Variants in CAMKMT observed in about 807,000 individuals in gnomAD.
The protein encoded by CAMKMT is CaM KMT.
A neutral mutation model predicts 48.0 loss-of-function variants in CAMKMT; 53 were observed. That is an observed-to-expected ratio of 1.10 (90% confidence interval 0.89 to 1.39). The LOEUF is 1.39. Among genes scored for constraint, CAMKMT ranks in the 40% most tolerant of loss-of-function variants. CAMKMT has a pLI of 0.00. For missense variants in CAMKMT, 428 were observed against 402.7 expected (o/e 1.06, Z -0.54); for synonymous variants, 165 against 152.3 (o/e 1.08, Z -0.61).
chr2:44,539,999 G>A (rs560598776), intron 3 of CAMKMT, among the ~76,000 whole-genome samples: 1 of 152,104 alleles, frequency 6.6e-6, no homozygotes, highest in East Asian at 1.9e-4. Context: ...GAAACATATT[G>A]TTCCTCATTA....
At chr2:44,466,285 C>T (rs2166453) in intron 3 of CAMKMT, among the ~76,000 whole-genome samples, 70,145 of 151,920 alleles carry the variant, frequency 0.46, 18,265 homozygotes, top group Middle Eastern at 0.6. Flanking sequence ...CCATCAAAAG[C>T]GGTCTTAACA....
intron 3 of CAMKMT, among the ~76,000 whole-genome samples, chr2:44,424,539 G>T (rs573014680): frequency 1.3e-5 from 2 of 152,256 alleles, no homozygotes; most frequent in East Asian, 3.9e-4. Flanking sequence ...CAAGCAGTTA[G>T]GTCAGGAGTT....
chr2:44,470,958 T>G (rs182735723), intron 3 of CAMKMT, among the ~76,000 whole-genome samples: 11 of 152,072 alleles, frequency 7.2e-5, no homozygotes, highest in African/African-American at 2.6e-4. Flanking sequence ...AATGTTTTGT[T>G]TTTCACTATT....
chr2:44,372,668 A>C (rs1179085743), intron 1 of CAMKMT, 48 bp from the exon 2 acceptor site: 2 of 1,551,494 alleles, frequency 1.3e-6, no homozygotes, highest in Non-Finnish European at 1.7e-6. Flanking sequence ...CACTAAACTT[A>C]CTATATGTTT....
intron 3 of CAMKMT, among the ~76,000 whole-genome samples, chr2:44,537,860 GTAAA>G (rs374570571): frequency 6.6e-6 from 1 of 152,318 alleles, no homozygotes; most frequent in Non-Finnish European, 1.5e-5. Flanking sequence ...ACTGTGCTGT[GTAAA>G]TTAGTACAAC....
At chr2:44,528,550 C>G (rs1358283319) in intron 3 of CAMKMT, among the ~76,000 whole-genome samples, 1 of 152,148 alleles carries the variant, frequency 6.6e-6, no homozygotes, top group Non-Finnish European at 1.5e-5. Context: ...TACTGTAATA[C>G]TGCTAATTCC....
chr2:44,402,740 G>GTTTTTTTTTTTCTTTT (rs1682489963), intron 3 of CAMKMT, among the ~76,000 whole-genome samples: 1 of 94,106 alleles, frequency 1.1e-5, no homozygotes. Flanking sequence ...TTGTTTTGCT[G>GTTTTTTTTTTTCTTTT]TTTTTTTTTT....
At chr2:44,421,430 A>G (rs1683929830) in intron 3 of CAMKMT, among the ~76,000 whole-genome samples, 2 of 152,184 alleles carry the variant, frequency 1.3e-5, no homozygotes, top group African/African-American at 2.4e-5. Context: ...TTAGAAATGT[A>G]TAAATACAAT....
At chr2:44,679,768 A>G (rs974018885) in intron 3 of CAMKMT, among the ~76,000 whole-genome samples, 1 of 152,256 alleles carries the variant, frequency 6.6e-6, no homozygotes, top group Admixed American at 6.5e-5. Flanking sequence ...TATCAGCAAC[A>G]TGCACAGTTG....
intron 3 of CAMKMT, among the ~76,000 whole-genome samples, chr2:44,494,766 T>G (rs1165673885): frequency 2.6e-5 from 4 of 152,168 alleles, no homozygotes. Context: ...TAGATAGAAT[T>G]ATTATTAGTA....
intron 3 of CAMKMT, among the ~76,000 whole-genome samples, chr2:44,574,164 T>C (rs975849751): frequency 2.0e-5 from 3 of 152,224 alleles, no homozygotes; most frequent in Non-Finnish European, 4.4e-5. Flanking sequence ...TTTAGACTTA[T>C]ATATCCCTAG....
Position 44,706,376 on chromosome 2 carries a change from G to A in CAMKMT, c.492+35G>A, listed in dbSNP as rs750780051. 2.1e-5 allele frequency: 33 copies of A among 1,609,152 alleles called. No individual in the cohort carries two copies. In the South Asian group the frequency reaches 3.5e-4, roughly 17 times the overall value. On this transcript the variant is annotated intron_variant, in intron 5 of 10. Coordinates refer to ENST00000378494, the MANE Select transcript of CAMKMT (RefSeq NM_024766.5). ...TTCTCCATTCCAATCCCATTCAGAG[G>A]GAGGAACAAAAGGAAAAATGTTCCA...
At chr2:44,771,673 T>C (rs1343371811) in intron 10 of CAMKMT, among the ~76,000 whole-genome samples, 1 of 152,184 alleles carries the variant, frequency 6.6e-6, no homozygotes, top group East Asian at 1.9e-4. Flanking sequence ...TAGTGTGGCA[T>C]TGGTCAGAGG....
chr2:44,604,991 C>G (rs538831657), intron 3 of CAMKMT, among the ~76,000 whole-genome samples: 1 of 152,196 alleles, frequency 6.6e-6, no homozygotes, highest in South Asian at 2.1e-4. Flanking sequence ...TGCCATCAGT[C>G]CCTGATGAAC....
chr2:44,410,238 T>C (rs550441365), intron 3 of CAMKMT, among the ~76,000 whole-genome samples: 1 of 11,090 alleles, frequency 9.0e-5, no homozygotes, highest in East Asian at 4.2e-4. Context: ...TCAGTATATA[T>C]ATATATATAT....
At chr2:44,758,966 G>C (rs1680498373) in intron 9 of CAMKMT, among the ~76,000 whole-genome samples, 1 of 152,184 alleles carries the variant, frequency 6.6e-6, no homozygotes, top group South Asian at 2.1e-4. Flanking sequence ...AATCCAGCTT[G>C]TTACCACTGC....
chr2:44,500,899 C>T (rs1669976222), intron 3 of CAMKMT, among the ~76,000 whole-genome samples: 1 of 151,878 alleles, frequency 6.6e-6, no homozygotes. Flanking sequence ...CCAGACTGGT[C>T]TTGAACTCCT....
chr2:44,578,979 G>C (rs940285977), intron 3 of CAMKMT, among the ~76,000 whole-genome samples: 1 of 152,158 alleles, frequency 6.6e-6, no homozygotes, highest in African/African-American at 2.4e-5. Context: ...TTTACGCAGT[G>C]GTGGAAGTGA....
At chr2:44,718,084 G>A (rs930860134) in intron 7 of CAMKMT, among the ~76,000 whole-genome samples, 5 of 152,148 alleles carry the variant, frequency 3.3e-5, no homozygotes, top group Non-Finnish European at 4.4e-5. Context: ...ATATGACCAT[G>A]TGAACACATT....
Sources: allele counts gnomAD v4.1 joint callset (sites outside exome capture counted in the v4.1 genomes callset), GRCh38; gene constraint gnomAD v4.1.1; transcripts MANE v1.5; gene names NCBI Gene and HGNC (gene_info 2026-07-23, HGNC 2026-07-21).